The following ADK variants were observed in gnomAD, a reference collection of about 807,000 sequenced individuals.
The protein encoded by ADK is N6,N6-dimethyladenosine kinase.
A neutral mutation model predicts 44.7 loss-of-function variants in ADK; 24 were observed. That is an observed-to-expected ratio of 0.54 (90% CI 0.39 to 0.76). ADK has a LOEUF of 0.76. Among genes scored for constraint, ADK ranks in the 30% least tolerant of loss-of-function variants. ADK has a pLI of 0.00. For synonymous variants in ADK, 128 were observed against 142.6 expected, an observed-to-expected ratio of 0.90 and a Z score of 0.73; for missense variants, 321 against 425.1, an observed-to-expected ratio of 0.76 and a Z score of 2.15.
intron 6 of ADK, among the ~76,000 whole-genome samples, chr10:74,462,522 G>A (rs1285711010): frequency 6.6e-6 from 1 of 152,078 alleles, no homozygotes; most frequent in Admixed American, 6.5e-5. Context: ...GATTCAATAA[G>A]ATATATATTT....
chr10:74,162,521 TTGTGTGTGTGTGTGTGTGTGTG>T (rs10550667), intron 1 of ADK, among the ~76,000 whole-genome samples: 1 of 141,882 alleles, frequency 7.0e-6, no homozygotes, highest in Non-Finnish European at 1.5e-5. Flanking sequence ...TGCATTTCTT[TTGTGTGTGTGTGTGTGTGTGTG>T]TGTGTGTGTG....
intron 3 of ADK, among the ~76,000 whole-genome samples, chr10:74,293,879 A>G (rs1327188264): frequency 6.6e-6 from 1 of 152,228 alleles, no homozygotes; most frequent in Non-Finnish European, 1.5e-5. Flanking sequence ...TACTTGCTTA[A>G]CTACCATTTA....
chr10:74,196,468 A>T (rs755912474), intron 1 of ADK, among the ~76,000 whole-genome samples: 5 of 152,164 alleles, frequency 3.3e-5, no homozygotes, highest in Non-Finnish European at 7.3e-5. Flanking sequence ...TGAACCTGGG[A>T]GGCGGAGTTT....
intron 4 of ADK, among the ~76,000 whole-genome samples, chr10:74,377,685 A>AT (rs1461440343): frequency 6.6e-6 from 1 of 152,168 alleles, no homozygotes; most frequent in Non-Finnish European, 1.5e-5. Flanking sequence ...TGGCCACAAC[A>AT]TCAGGCAGTT....
chr10:74,543,511 G>A (rs895231066), intron 7 of ADK, among the ~76,000 whole-genome samples: 2 of 152,226 alleles, frequency 1.3e-5, no homozygotes, highest in Middle Eastern at 6.8e-3. Flanking sequence ...GGTTGCTAGA[G>A]GTATTTCTTC....
chr10:74,328,308 T>C (rs962633586), intron 4 of ADK, among the ~76,000 whole-genome samples: 1 of 152,236 alleles, frequency 6.6e-6, no homozygotes, highest in Non-Finnish European at 1.5e-5. Context: ...GTTTTATCTT[T>C]AATCTTCATA....
intron 6 of ADK, among the ~76,000 whole-genome samples, chr10:74,415,200 T>G (rs1470955558): frequency 6.6e-6 from 1 of 152,208 alleles, no homozygotes; most frequent in African/African-American, 2.4e-5. Flanking sequence ...AGCATTTAGT[T>G]GTTAAGACAG....
At chr10:74,449,476 T>A (rs1845695946) in intron 6 of ADK, among the ~76,000 whole-genome samples, 1 of 152,190 alleles carries the variant, frequency 6.6e-6, no homozygotes, top group Non-Finnish European at 1.5e-5. Flanking sequence ...GGGATAAAGT[T>A]TTTTGAAAAA....
At chr10:74,339,309 A>T (rs150952848) in intron 4 of ADK, among the ~76,000 whole-genome samples, 12 of 152,254 alleles carry the variant, frequency 7.9e-5, no homozygotes, top group African/African-American at 2.6e-4. Context: ...AACCAATATA[A>T]GTAAAGTAGA....
chr10:74,626,854 A>G (rs1022643377), intron 9 of ADK, among the ~76,000 whole-genome samples: 1 of 152,196 alleles, frequency 6.6e-6, no homozygotes, highest in Non-Finnish European at 1.5e-5. Flanking sequence ...TTCCTGCAAC[A>G]GTTATATGGA....
intron 1 of ADK, among the ~76,000 whole-genome samples, chr10:74,175,936 C>G (rs1842322063): frequency 6.6e-6 from 1 of 152,106 alleles, no homozygotes; most frequent in Non-Finnish European, 1.5e-5. Flanking sequence ...AAGATTAGAG[C>G]CAGGAGTTAG....
In ADK at chr10:74,176,631, G is replaced by A. The variant is rs1036870011; in HGVS notation, c.66-24133G>A. Reference sequence around the variant, plus strand: ...GCCAGTGAGCTGGCACGAGACACGCGGTGGCCCACGGCGTCTGGGGACGAT... The same window carrying A: ...GCCAGTGAGCTGGCACGAGACACGCAGTGGCCCACGGCGTCTGGGGACGAT... On this transcript the variant is annotated intron_variant, in intron 1 of 10. Transcript: ENST00000539909. 43 of 1,397,546 alleles carry A rather than the reference G, an allele frequency of 3.1e-5. 1 individual carries two copies. In the South Asian group the frequency reaches 4.4e-4, roughly 14 times the overall value. 86.6% of individuals were successfully genotyped at this position (1,397,546 alleles called of 1,614,324 possible).
Position 74,653,167 on chromosome 10 carries a change from G to A in ADK, c.878-17016G>A, listed in dbSNP as rs139977562. Among the ~76,000 whole-genome samples, 1,404 of 152,152 alleles carry A rather than the reference G, an allele frequency of 9.2e-3. 32 individuals are homozygous for A. The highest frequency in any genetic ancestry group is 0.031 in the African/African-American group (1,298 of 41,540). Reference sequence around the variant, plus strand: ...GATCCTTTAACAGAAGGAAGAACACGAGGGCTGAGTGCGGTGGCTCAGGCC... The same window carrying A: ...GATCCTTTAACAGAAGGAAGAACACAAGGGCTGAGTGCGGTGGCTCAGGCC... On this transcript the variant is annotated intron_variant, in intron 9 of 10. Coordinates refer to ENST00000539909, the MANE Select transcript of ADK (RefSeq NM_006721.4).
intron 2 of ADK, among the ~76,000 whole-genome samples, chr10:74,222,564 T>A (rs1346018569): frequency 6.6e-6 from 1 of 152,156 alleles, no homozygotes; most frequent in Non-Finnish European, 1.5e-5. Context: ...ATGCACACGT[T>A]TGTTTATTGC....
At chr10:74,629,892 T>A (rs1355639554) in intron 9 of ADK, among the ~76,000 whole-genome samples, 1 of 152,206 alleles carries the variant, frequency 6.6e-6, no homozygotes, top group Non-Finnish European at 1.5e-5. Context: ...ACTAGTGGGA[T>A]AAATGTTGGT....
intron 7 of ADK, among the ~76,000 whole-genome samples, chr10:74,540,528 C>T (rs1216038897): frequency 1.3e-5 from 2 of 151,948 alleles, no homozygotes; most frequent in African/African-American, 4.8e-5. Flanking sequence ...GATGCAATCT[C>T]GGCTCACTGC....
At chr10:74,155,623 G>T (rs180955819) in intron 1 of ADK, among the ~76,000 whole-genome samples, 1 of 152,110 alleles carries the variant, frequency 6.6e-6, no homozygotes, top group Admixed American at 6.5e-5. Context: ...TCCGCTTCCC[G>T]GGTTCATGCC....
At position 74,708,531 on chromosome 10, in the gene ADK, T is replaced by G; in HGVS notation, c.*86T>G. 2 of 1,472,286 alleles carry G rather than the reference T, an allele frequency of 1.4e-6. No homozygotes were observed. Among genetic ancestry groups the G allele is most frequent in the Non-Finnish European group, 9.2e-7 (1 of 1,084,252 alleles). 91.2% of individuals were successfully genotyped at this position (1,472,286 alleles called of 1,614,324 possible). On this transcript the variant is annotated 3_prime_UTR_variant, in exon 11 of 11. Coordinates refer to ENST00000539909, the MANE Select transcript of ADK (RefSeq NM_006721.4). ...TTCCCATATTAATAAAGAAGAAAAT[T>G]ATCTGCCATTTTTTCCTACTATAAT...
At chr10:74,645,064 T>A (rs894091246) in intron 9 of ADK, among the ~76,000 whole-genome samples, 2 of 152,226 alleles carry the variant, frequency 1.3e-5, no homozygotes, top group Non-Finnish European at 2.9e-5. Flanking sequence ...CTAAGTTTTC[T>A]GTATCAGCTT....
Sources: gnomAD v4.1 joint callset for allele counts (sites outside exome capture counted in the v4.1 genomes callset) on GRCh38, gnomAD v4.1.1 for gene constraint, MANE v1.5 for transcripts, NCBI Gene and HGNC (gene_info 2026-07-23, HGNC 2026-07-21) for gene names.